Variants in TACR3 observed in about 807,000 individuals in gnomAD.
TACR3 encodes neuromedin-K receptor.
Under a neutral mutation model 35.0 loss-of-function variants are expected in TACR3, and 34 were observed. The ratio of observed to expected loss-of-function variants is 0.97; its 90% CI spans 0.74 to 1.30. TACR3 has a LOEUF of 1.30. Among genes scored for constraint, TACR3 ranks in the 50% most tolerant of loss-of-function variants. TACR3 has a pLI of 0.00. For missense variants in TACR3, 558 were observed against 591.7 expected, an observed-to-expected ratio of 0.94 and a Z score of 0.59; for synonymous variants, 233 against 221.1, an observed-to-expected ratio of 1.05 and a Z score of -0.48.
intron 3 of TACR3, among the ~76,000 whole-genome samples, chr4:103,602,870 C>A (rs1724243627): frequency 1.3e-5 from 2 of 152,216 alleles, no homozygotes; most frequent in East Asian, 3.9e-4. Flanking sequence ...TGCCCATTCT[C>A]AGATCTCAAG....
intron 1 of TACR3, among the ~76,000 whole-genome samples, chr4:103,708,674 G>C (rs1037439270): frequency 1.3e-5 from 2 of 152,236 alleles, no homozygotes; most frequent in African/African-American, 2.4e-5. Flanking sequence ...TTGACAAGTT[G>C]AGAGAAGAAG....
intron 3 of TACR3, among the ~76,000 whole-genome samples, chr4:103,638,717 C>T (rs898681038): frequency 8.5e-5 from 13 of 152,254 alleles, no homozygotes; most frequent in African/African-American, 3.1e-4. Flanking sequence ...TATCCAGAAT[C>T]TACAATGAAC....
chr4:103,677,989 G>A (rs973168204), intron 1 of TACR3, among the ~76,000 whole-genome samples: 1 of 151,860 alleles, frequency 6.6e-6, no homozygotes, highest in African/African-American at 2.4e-5. Flanking sequence ...TTTGGATATT[G>A]TCCCTAGCTT....
intron 1 of TACR3, among the ~76,000 whole-genome samples, chr4:103,677,863 A>G (rs899862328): frequency 2.6e-5 from 4 of 152,102 alleles, no homozygotes; most frequent in Non-Finnish European, 2.9e-5. Context: ...CCTTGATCAT[A>G]AAATAAAAGC....
intron 1 of TACR3, among the ~76,000 whole-genome samples, chr4:103,713,628 A>C (rs1723021851): frequency 6.6e-6 from 1 of 152,022 alleles, no homozygotes; most frequent in Non-Finnish European, 1.5e-5. Context: ...TAATAATAAT[A>C]ATAATAAGGA....
intron 1 of TACR3, among the ~76,000 whole-genome samples, chr4:103,673,214 A>G (rs1726089858): frequency 1.3e-5 from 2 of 152,124 alleles, no homozygotes; most frequent in South Asian, 4.1e-4. Context: ...AATTTCCATT[A>G]ATAACTCTTA....
chr4:103,640,327 A>ATCT (rs1267534233), intron 3 of TACR3, among the ~76,000 whole-genome samples: 7 of 152,082 alleles, frequency 4.6e-5, no homozygotes, highest in Non-Finnish European at 1.0e-4. Flanking sequence ...GGCAAAGGAA[A>ATCT]TCTTACTTGT....
intron 3 of TACR3, among the ~76,000 whole-genome samples, chr4:103,640,066 A>G (rs1427453128): frequency 6.6e-6 from 1 of 152,026 alleles, no homozygotes; most frequent in Non-Finnish European, 1.5e-5. Context: ...TTTGACATAT[A>G]TATTACCTAG....
chr4:103,603,220 G>A (rs1175765535), intron 3 of TACR3, among the ~76,000 whole-genome samples: 4 of 152,250 alleles, frequency 2.6e-5, no homozygotes, highest in African/African-American at 9.6e-5. Flanking sequence ...ATCTCCTGGT[G>A]TGCCATTTTT....
At chr4:103,651,997 T>C (rs143878042) in intron 3 of TACR3, among the ~76,000 whole-genome samples, 32 of 152,176 alleles carry the variant, frequency 2.1e-4, no homozygotes, top group African/African-American at 7.5e-4. Context: ...TTTCCTCTCC[T>C]TTCCCAAGTG....
chr4:103,603,508 T>G (rs1007555779), intron 3 of TACR3, among the ~76,000 whole-genome samples: 1 of 152,194 alleles, frequency 6.6e-6, no homozygotes, highest in Non-Finnish European at 1.5e-5. Context: ...GAACTTATCC[T>G]TTTTTATGGC....
chr4:103,696,744 G>A (rs890068728), intron 1 of TACR3, among the ~76,000 whole-genome samples: 3 of 152,022 alleles, frequency 2.0e-5, no homozygotes, highest in South Asian at 2.1e-4. Flanking sequence ...CTCAGGCTGC[G>A]AATCTAGAAT....
intron 4 of TACR3, 97 bp downstream of exon 4, chr4:103,591,390 G>T: frequency 2.1e-6 from 3 of 1,450,772 alleles, no homozygotes; most frequent in Non-Finnish European, 2.9e-6. Context: ...CCTTCCTTCT[G>T]CATTTTGAAT....
intron 3 of TACR3, among the ~76,000 whole-genome samples, chr4:103,611,949 C>T (rs900720595): frequency 5.9e-5 from 9 of 152,192 alleles, no homozygotes; most frequent in African/African-American, 2.2e-4. Context: ...ATCTCTACTA[C>T]TATAACCTCT....
chr4:103,716,465 T>G (rs1358675767), intron 1 of TACR3, among the ~76,000 whole-genome samples: 1 of 152,138 alleles, frequency 6.6e-6, no homozygotes, highest in Non-Finnish European at 1.5e-5. Context: ...CTAATATTAT[T>G]TAAATCGTGA....
At chr4:103,630,521 G>T (rs1019529594) in intron 3 of TACR3, among the ~76,000 whole-genome samples, 4 of 152,100 alleles carry the variant, frequency 2.6e-5, no homozygotes, top group Non-Finnish European at 4.4e-5. Context: ...GTGGGCAAGG[G>T]ATATGAACAG....
In TACR3 at chr4:103,587,974, T is replaced by C. The variant is rs1723807589; in HGVS notation, c.*1708A>G. ...TAAATGATTGAATGTGTAGGCACAT[T>C]TGTATGTGTGTGTGTGTGTGTGTGT... On this transcript the variant is annotated 3_prime_UTR_variant, in exon 5 of 5. Coordinates refer to ENST00000304883, the MANE Select transcript of TACR3 (RefSeq NM_001059.3). 1 of 148,524 alleles carries C rather than the reference T, an allele frequency of 6.7e-6. No individual in the cohort carries two copies. Among genetic ancestry groups the C allele is most frequent in the East Asian group, 1.9e-4 (1 of 5,164 alleles). The allele number at this position is 148,524 out of a possible 1,614,324, so 9.2% of individuals were successfully genotyped here.
chr4:103,591,352 G>T, intron 4 of TACR3, 135 bp downstream of exon 4: 1 of 965,832 alleles, frequency 1.0e-6, no homozygotes, highest in Non-Finnish European at 1.6e-6. Context: ...TAAAGCCTGT[G>T]CCTCTCTCAG....
chr4:103,607,726 A>G (rs993727705), intron 3 of TACR3, among the ~76,000 whole-genome samples: 1 of 152,104 alleles, frequency 6.6e-6, no homozygotes, highest in African/African-American at 2.4e-5. Context: ...TTACTCAGAG[A>G]ATAGAGAGTG....
Sources: gnomAD v4.1 joint callset for allele counts (sites outside exome capture counted in the v4.1 genomes callset) on GRCh38, gnomAD v4.1.1 for gene constraint, MANE v1.5 for transcripts, NCBI Gene and HGNC (gene_info 2026-07-23, HGNC 2026-07-21) for gene names.